CDK18: variants seen among roughly 807,000 people sequenced by gnomAD.
The protein encoded by CDK18 is cyclin-dependent kinase 18.
Under a neutral mutation model 62.0 loss-of-function variants are expected in CDK18, and 52 were observed. The ratio of observed to expected loss-of-function variants is 0.84; its 90% confidence interval spans 0.67 to 1.06. The LOEUF is 1.06. Among genes scored for constraint, CDK18 ranks in the 50% least tolerant of loss-of-function variants. The pLI is 0.00. For missense variants in CDK18, 604 were observed against 619.9 expected, an observed-to-expected ratio of 0.97 and a Z score of 0.27; for synonymous variants, 237 against 247.0, an observed-to-expected ratio of 0.96 and a Z score of 0.38.
intron 1 of CDK18, among the ~76,000 whole-genome samples, chr1:205,512,811 A>C (rs1355538497): frequency 6.6e-6 from 1 of 152,000 alleles, no homozygotes; most frequent in Non-Finnish European, 1.5e-5. Flanking sequence ...TATAAATAGG[A>C]ATATGGTTTA....
In CDK18 at chr1:205,523,494, G is replaced by T; in HGVS notation, c.142G>T (p.Gly48Cys). 1.2e-6 allele frequency: 2 copies of T among 1,603,016 alleles called. No individual in the cohort carries two copies. Among genetic ancestry groups the T allele is most frequent in the Non-Finnish European group, 8.5e-7 (1 of 1,175,398 alleles). ...HNRRNENLQL[G>C]PLGRDPPQEC... is the part of the protein sequence containing the mutation. ...CCTGTCCCTCTTAGACTTGCAGCTCGGTCCTCTTGGCAGAGACCCCCCGCA... is the reference window on the plus strand; with the variant it reads ...CCTGTCCCTCTTAGACTTGCAGCTCTGTCCTCTTGGCAGAGACCCCCCGCA... The change falls in exon 3 of 16, where the codon GGT (glycine) becomes TGT (cysteine). Residue 48 changes from glycine to cysteine, a missense_variant. Physicochemically the swap from Gly to Cys is radical, Grantham distance 159. Transcript: ENST00000429964.
chr1:205,530,040 T>C, intron 13 of CDK18: 1 of 1,419,940 alleles, frequency 7.0e-7, no homozygotes, highest in Non-Finnish European at 9.2e-7. Flanking sequence ...AAGTTTCATT[T>C]CTGGTTTTTC....
At chr1:205,526,281 A>G in intron 6 of CDK18, 86 bp from the exon 7 acceptor site, 1 of 1,464,598 alleles carries the variant, frequency 6.8e-7, no homozygotes, top group South Asian at 1.1e-5. Flanking sequence ...CATTGCTGGA[A>G]TGGGACTCCT....
rs1668585350 is a variant in CDK18 at position 205,528,988 on chromosome 1, G to C, written c.975-11G>C. 6.4e-7 allele frequency: 1 copy of C among 1,557,552 alleles called. No homozygotes were observed. The highest frequency in any genetic ancestry group is 8.7e-7 in the Non-Finnish European group (1 of 1,147,908). On this transcript the variant is annotated splice_polypyrimidine_tract_variant and intron_variant, in intron 10 of 15. Transcript: ENST00000429964. This position sits in a 1 kb window ranked among gnomAD's most constrained non-coding sequence, Gnocchi z 4.2. ...CTGCCTGATGCCGACCCTACCCCTT[G>C]CTCCTCGCAGGGGCGTGGGCTGCAT... is the stretch of plus-strand genomic sequence containing the variant.
Position 205,526,853 on chromosome 1 carries a change from C to G in CDK18, c.729+16C>G, listed in dbSNP as rs972014583. ...CAACGTCAAGGTGAGGCCTCGGGGG[C>G]AGGGTCCCCCCATCTTGGCAGCCAC... On this transcript the variant is annotated intron_variant, in intron 8 of 15. Coordinates refer to ENST00000429964, the MANE Select transcript of CDK18 (RefSeq NM_212502.3). The G allele has an allele frequency of 6.2e-7, 1 of 1,607,856 alleles. No homozygotes were observed. The highest frequency in any genetic ancestry group is 1.3e-5 in the African/African-American group (1 of 74,924).
rs533029226 is a variant in CDK18, at chr1:205,531,063, A to G, written c.1391-281A>G. On this transcript the variant is annotated intron_variant, in intron 15 of 15. Coordinates refer to ENST00000429964, the MANE Select transcript of CDK18 (RefSeq NM_212502.3). ...GGACATTGACAAATGCTTTCCATGC[A>G]TCGTCTTCTTTAATCCTTAAAATAC... 3.3e-5 allele frequency among the ~76,000 whole-genome samples: 5 copies of G among 152,338 alleles called. No homozygotes were observed. The South Asian group carries it at 1.0e-3, about 32-fold the overall frequency.
rs547469900 is a variant in CDK18 at position 205,525,345 on chromosome 1, C to T, written c.456+150C>T. ...ATAGAGGTGCACAGTCTTGGCTGTG[C>T]GCTCTGGCCCAGGCTTTGGCAGGGA... is the stretch of plus-strand genomic sequence containing the variant. On this transcript the variant is annotated intron_variant, in intron 5 of 15. Transcript: ENST00000429964. 30 of 504,894 alleles carry T rather than the reference C, an allele frequency of 5.9e-5. 1 individual carries two copies. The highest frequency in any genetic ancestry group is 3.6e-4 in the African/African-American group (19 of 52,298). 31.3% of individuals were successfully genotyped at this position (504,894 alleles called of 1,614,324 possible).
Position 205,527,928 on chromosome 1 carries a change from G to C in CDK18, c.853+11G>C, listed in dbSNP as rs1668524199. On this transcript the variant is annotated intron_variant, in intron 9 of 15. Coordinates refer to ENST00000429964, the MANE Select transcript of CDK18 (RefSeq NM_212502.3). The surrounding 1 kb of genome is among the most constrained non-coding windows in gnomAD (Gnocchi z 4.1). ...AGCTGGCCGACTTTGGTGAGGCTGGGGCTAGGGTGGGGGTCTGACGCTACT... is the reference window on the plus strand; with the variant it reads ...AGCTGGCCGACTTTGGTGAGGCTGGCGCTAGGGTGGGGGTCTGACGCTACT... 6.2e-7 allele frequency: 1 copy of C among 1,613,938 alleles called. No homozygotes were observed. The highest frequency in any genetic ancestry group is 1.3e-5 in the African/African-American group (1 of 74,900).
At position 205,517,192 on chromosome 1, in the gene CDK18, G is replaced by C. The variant is rs1667863671; in HGVS notation, c.-21-5955G>C. Among the ~76,000 whole-genome samples the C allele has an allele frequency of 6.6e-6, 1 of 152,138 alleles. No homozygotes were observed. Among genetic ancestry groups the C allele is most frequent in the Non-Finnish European group, 1.5e-5 (1 of 68,010 alleles). On this transcript the variant is annotated intron_variant, in intron 1 of 15. Transcript: ENST00000429964. This position sits in a 1 kb window ranked among gnomAD's most constrained non-coding sequence, Gnocchi z 4.1. The stretch of plus-strand genomic sequence containing the variant: ...TGGGGCTTGTCTGCCAGTAGCCGGG[G>C]TTCCCTGCCTTGCACGGGCCCCACC...
intron 13 of CDK18, 122 bp downstream of exon 13, chr1:205,529,685 C>T (rs1264160207): frequency 1.3e-6 from 2 of 1,562,896 alleles, no homozygotes; most frequent in African/African-American, 1.4e-5. Context: ...GAAACATCTC[C>T]CCTGTACTCT....
intron 7 of CDK18, 37 bp from the exon 8 acceptor site, chr1:205,526,738 A>G (rs1188332153): frequency 4.4e-6 from 7 of 1,588,870 alleles, no homozygotes; most frequent in Admixed American, 3.3e-5. Context: ...GCCAGGGGTC[A>G]GCGTGGGGCA....
chr1:205,510,223 G>A (rs1162791768), intron 1 of CDK18, among the ~76,000 whole-genome samples: 2 of 152,084 alleles, frequency 1.3e-5, no homozygotes, highest in South Asian at 2.1e-4. Flanking sequence ...TCTGCCTGGG[G>A]AGTCTCCTCA....
chr1:205,522,653 A>C (rs565005328), intron 1 of CDK18: 2 of 152,882 alleles, frequency 1.3e-5, no homozygotes, highest in African/African-American at 4.8e-5. Flanking sequence ...TTGGTCAGTA[A>C]GATTTATTGG....
Position 205,531,915 on chromosome 1 carries a change from G to C in CDK18, c.*537G>C, listed in dbSNP as rs1228360584. 6.1e-6 allele frequency: 1 copy of C among 163,700 alleles called. No homozygotes were observed. Among genetic ancestry groups the C allele is most frequent in the Non-Finnish European group, 1.3e-5 (1 of 74,428 alleles). The allele number at this position is 163,700 out of a possible 1,614,324, so 10.1% of individuals were successfully genotyped here. A position where few individuals can be genotyped will look rare whatever the true frequency, so the allele number is the denominator to read the frequency against. Reference sequence around the variant, plus strand: ...CCTAGGTACCCACATGTGTGCCAAAGCCTACCCCACCTGGCAGGTGTCCCA... The same window carrying C: ...CCTAGGTACCCACATGTGTGCCAAACCCTACCCCACCTGGCAGGTGTCCCA... On this transcript the variant is annotated 3_prime_UTR_variant, in exon 16 of 16. Coordinates refer to ENST00000429964, the MANE Select transcript of CDK18 (RefSeq NM_212502.3).
intron 1 of CDK18, among the ~76,000 whole-genome samples, chr1:205,505,604 C>A (rs534959919): frequency 5.9e-5 from 9 of 152,162 alleles, no homozygotes; most frequent in Non-Finnish European, 1.0e-4. Context: ...TTGAGGGACA[C>A]CATCAGGAAT....
chr1:205,527,045 T>A lies in CDK18; in HGVS notation c.729+208T>A. ...AGAACAGACACACACTGTCTGCCAC[T>A]GTCTAGCTGTTGGTATAAAACCCAC... is the stretch of plus-strand genomic sequence containing the variant. On this transcript the variant is annotated intron_variant, in intron 8 of 15. Coordinates refer to ENST00000429964, the MANE Select transcript of CDK18 (RefSeq NM_212502.3). This position sits in a 1 kb window ranked among gnomAD's most constrained non-coding sequence, Gnocchi z 4.1. 1.2e-5 allele frequency: 7 copies of A among 575,252 alleles called. No individual in the cohort carries two copies. The highest frequency in any genetic ancestry group is 2.2e-5 in the Non-Finnish European group (7 of 320,638). The allele number at this position is 575,252 out of a possible 1,614,324, so 35.6% of individuals were successfully genotyped here.
In CDK18 at chr1:205,527,758, A is replaced by G; in HGVS notation, c.730-36A>G. The stretch of plus-strand genomic sequence containing the variant: ...AGCCTTGGAGCAGAGGCTCAGGGCC[A>G]CCTTCCACCCCACATTTCTCTTCCC... On this transcript the variant is annotated intron_variant, in intron 8 of 15. Transcript: ENST00000429964. The surrounding 1 kb of genome is among the most constrained non-coding windows in gnomAD (Gnocchi z 4.1). 2 of 1,609,214 alleles carry G rather than the reference A, an allele frequency of 1.2e-6. No homozygotes were observed. Among genetic ancestry groups the G allele is most frequent in the South Asian group, 1.1e-5 (1 of 90,234 alleles).
rs751529214 is a variant in CDK18 at position 205,529,096 on chromosome 1, G to C, written c.1072G>C (p.Gly358Arg). 5.1e-6 allele frequency: 8 copies of C among 1,573,962 alleles called. No individual in the cohort carries two copies. The highest frequency in any genetic ancestry group is 2.3e-5 in the South Asian group (2 of 85,986). Residue 358 changes from glycine to arginine, a missense_variant and splice_region_variant, in exon 11 of 16, where the codon GGG becomes CGG. Physicochemically the swap from Gly to Arg is moderately radical, Grantham distance 125. Transcript: ENST00000429964. The stretch of plus-strand genomic sequence containing the variant: ...GCTGCACCTCATCTTTCGCCTCCTC[G>C]GTCAGTCTCCCGCTGCTCCGTCCCT... ...EELHLIFRLL[G>R]TPTEETWPGV...
At chr1:205,523,391 AG>A in intron 2 of CDK18, 91 bp from the exon 3 acceptor site, 1 of 1,535,928 alleles carries the variant, frequency 6.5e-7, no homozygotes, top group Non-Finnish European at 9.0e-7. Flanking sequence ...CACTGGCCTT[AG>A]GGGAGGAGCA....
Sources: allele counts gnomAD v4.1 joint callset (sites outside exome capture counted in the v4.1 genomes callset), GRCh38; gene constraint gnomAD v4.1.1; non-coding constraint Gnocchi (gnomAD v3.1); transcripts MANE v1.5; gene names NCBI Gene and HGNC (gene_info 2026-07-23, HGNC 2026-07-21).